NRXN3: variants seen among roughly 807,000 people sequenced by gnomAD.
NRXN3 encodes the protein neurexin III.
Under a neutral mutation model 137.6 loss-of-function variants are expected in NRXN3, and 32 were observed. The ratio of observed to expected loss-of-function variants is 0.23; its 90% CI spans 0.18 to 0.31. The LOEUF is 0.31. NRXN3 is among the 10% of genes least tolerant of loss of function. The pLI is 1.00. For synonymous variants in NRXN3, 798 were observed against 784.5 expected (o/e 1.02, Z -0.29); for missense variants, 1,574 against 2,062.5 (o/e 0.76, Z 4.59).
chr14:79,003,048 A>G (rs1248059127), intron 15 of NRXN3, among the ~76,000 whole-genome samples: 1 of 152,110 alleles, frequency 6.6e-6, no homozygotes, highest in African/African-American at 2.4e-5. Flanking sequence ...CTGTAATCAT[A>G]GTGTATTACA....
In NRXN3 at chr14:78,632,728, G is replaced by C. The variant is rs143694378; in HGVS notation, c.758-12392G>C. Among the ~76,000 whole-genome samples, 71 of 152,264 alleles carry C rather than the reference G, an allele frequency of 4.7e-4. No individual in the cohort carries two copies. The East Asian group carries it at 0.013, about 28-fold the overall frequency. ...AAAGTTCTCATTTCAGATGAAATAT[G>C]AGCATGTAGATATGCTATCTCTATT... On this transcript the variant is annotated intron_variant, in intron 4 of 20. Transcript: ENST00000335750.
intron 1 of NRXN3, among the ~76,000 whole-genome samples, chr14:78,183,397 C>A (rs1756499072): frequency 6.6e-6 from 1 of 152,242 alleles, no homozygotes; most frequent in South Asian, 2.1e-4. Flanking sequence ...GTTGTGTGGT[C>A]CCCTGGCCCA....
intron 17 of NRXN3, among the ~76,000 whole-genome samples, chr14:79,686,005 C>T (rs973209103): frequency 1.3e-5 from 2 of 152,044 alleles, no homozygotes; most frequent in African/African-American, 4.8e-5. Context: ...GATATTTGGA[C>T]ATGATAGGCC....
chr14:79,211,747 C>A (rs541915714), intron 15 of NRXN3, among the ~76,000 whole-genome samples: 45 of 152,190 alleles, frequency 3.0e-4, no homozygotes, highest in African/African-American at 9.6e-4. Flanking sequence ...AATTCAAAAC[C>A]CTTGTCTTCA....
chr14:78,673,390 C>T (rs957595799), intron 6 of NRXN3, among the ~76,000 whole-genome samples: 3 of 152,278 alleles, frequency 2.0e-5, no homozygotes, highest in East Asian at 3.9e-4. Context: ...AGCAATGGTT[C>T]AAGCCACTAT....
In NRXN3 at chr14:78,243,321, A is replaced by G. The variant is rs1283649725; in HGVS notation, c.228A>G (p.Leu76=). ...YLDDGGVCDF[L]CLSLVDGRVQ... ...ATGATGGCGGCGTCTGCGACTTCCT[A>G]TGCCTCTCCCTGGTGGATGGCCGCG... The change falls in exon 2 of 21, where the codon CTA becomes CTG. Residue 76 remains leucine, a synonymous_variant. Transcript: ENST00000335750. This position sits in a 1 kb window ranked among gnomAD's most constrained non-coding sequence, Gnocchi z 4.2. The G allele has an allele frequency of 1.3e-6, 2 of 1,559,770 alleles. No homozygotes were observed. Among genetic ancestry groups the G allele is most frequent in the East Asian group, 2.3e-5 (1 of 42,776 alleles).
chr14:79,376,192 G>T (rs1284960050), intron 15 of NRXN3, among the ~76,000 whole-genome samples: 1 of 85,408 alleles, frequency 1.2e-5, no homozygotes, highest in Non-Finnish European at 2.3e-5. Context: ...ATATATACAT[G>T]TGGGTGTGTG....
intron 4 of NRXN3, among the ~76,000 whole-genome samples, chr14:78,557,996 T>A (rs571509584): frequency 5.3e-5 from 8 of 152,220 alleles, no homozygotes; most frequent in Non-Finnish European, 1.0e-4. Flanking sequence ...ATCCCCATTT[T>A]ACAGTTGAGA....
At chr14:79,853,502 C>T (rs779407133) in intron 20 of NRXN3, 147 of 1,250,382 alleles carry the variant, frequency 1.2e-4, no homozygotes, top group Non-Finnish European at 1.6e-4. Flanking sequence ...TGTGTAGGCT[C>T]ATTTGTTTTT....
chr14:79,059,914 A>C (rs984341504), intron 15 of NRXN3, among the ~76,000 whole-genome samples: 7 of 152,152 alleles, frequency 4.6e-5, no homozygotes. Flanking sequence ...TGTACTTCCC[A>C]ATATCCATAC....
intron 10 of NRXN3, among the ~76,000 whole-genome samples, chr14:78,907,846 T>C (rs2099223047): frequency 6.6e-6 from 1 of 152,088 alleles, no homozygotes; most frequent in African/African-American, 2.4e-5. Flanking sequence ...TATGTGTCCA[T>C]GCGTTCTCAT....
chr14:78,999,753 G>A (rs1353222829), intron 15 of NRXN3, among the ~76,000 whole-genome samples: 1 of 152,166 alleles, frequency 6.6e-6, no homozygotes, highest in Non-Finnish European at 1.5e-5. Context: ...GCGGATCATG[G>A]TTGGAGGGAA....
At chr14:79,255,871 G>A (rs1394525174) in intron 15 of NRXN3, among the ~76,000 whole-genome samples, 3 of 152,092 alleles carry the variant, frequency 2.0e-5, no homozygotes, top group Non-Finnish European at 4.4e-5. Context: ...TCTGTTTTGG[G>A]GAAAGAAGGT....
At chr14:78,700,717 A>G (rs1209845519) in intron 6 of NRXN3, among the ~76,000 whole-genome samples, 1 of 152,172 alleles carries the variant, frequency 6.6e-6, no homozygotes, top group Non-Finnish European at 1.5e-5. Flanking sequence ...ATAGACTGTG[A>G]TAGACTGAGC....
chr14:78,473,003 A>G (rs2095307708), intron 4 of NRXN3, among the ~76,000 whole-genome samples: 1 of 149,922 alleles, frequency 6.7e-6, no homozygotes, highest in Non-Finnish European at 1.5e-5. Flanking sequence ...ATCTGTAATT[A>G]ATTAAGCCTC....
chr14:79,849,451 C>T (rs1048024480), intron 20 of NRXN3, among the ~76,000 whole-genome samples: 2 of 151,972 alleles, frequency 1.3e-5, no homozygotes, highest in African/African-American at 2.4e-5. Flanking sequence ...CAAAGTAACC[C>T]GAATAGACAT....
intron 4 of NRXN3, among the ~76,000 whole-genome samples, chr14:78,534,777 C>T (rs1262180284): frequency 6.6e-6 from 1 of 152,196 alleles, no homozygotes; most frequent in South Asian, 2.1e-4. Flanking sequence ...TGGTATTCCC[C>T]TAGGACCCTC....
At chr14:78,477,392 CAATGCA>C (rs2095398657) in intron 4 of NRXN3, among the ~76,000 whole-genome samples, 1 of 152,152 alleles carries the variant, frequency 6.6e-6, no homozygotes, top group African/African-American at 2.4e-5. Flanking sequence ...GTTGAAAATG[CAATGCA>C]AATCTTTAAT....
At position 78,870,406 on chromosome 14, in the gene NRXN3, C is replaced by T. The variant is rs565535210; in HGVS notation, c.2275+60062C>T. Among the ~76,000 whole-genome samples, 6 of 151,974 alleles carry T rather than the reference C, an allele frequency of 3.9e-5. No homozygotes were observed. In the South Asian group the frequency reaches 1.3e-3, roughly 32 times the overall value. On this transcript the variant is annotated intron_variant, in intron 10 of 20. Transcript: ENST00000335750. ...ATTTTTAATTATTATGAATACATTC[C>T]AGTTGTACATATTTATGGGGTATAT...
Sources: gnomAD v4.1 joint callset for allele counts (sites outside exome capture counted in the v4.1 genomes callset) on GRCh38, gnomAD v4.1.1 for gene constraint, Gnocchi (gnomAD v3.1) non-coding constraint, MANE v1.5 for transcripts, NCBI Gene and HGNC (gene_info 2026-07-23, HGNC 2026-07-21) for gene names.